RFX4: variants seen among roughly 807,000 people sequenced by gnomAD.
The protein encoded by RFX4 is transcription factor RFX4.
RFX4 carries 10 observed loss-of-function variants against 95.0 expected under a neutral mutation model. That is an observed-to-expected ratio of 0.11 (90% CI 0.06 to 0.18). The LOEUF is 0.18. Among genes scored for constraint, RFX4 ranks in the 10% least tolerant of loss-of-function variants. The probability of loss-of-function intolerance (pLI) is 1.00; values close to 1 mark genes in which losing one functional copy is unlikely to be tolerated. For missense variants in RFX4, 640 were observed against 922.0 expected (o/e 0.69, Z 3.96); for synonymous variants, 321 against 340.7 (o/e 0.94, Z 0.64).
intron 2 of RFX4, among the ~76,000 whole-genome samples, chr12:106,622,622 A>AC (rs2040207590): frequency 7.6e-6 from 1 of 132,258 alleles, no homozygotes; most frequent in African/African-American, 2.8e-5. Context: ...TCCAAGCTGC[A>AC]TTTTTTTTTT....
chr12:106,662,232 T>C (rs1001900085), intron 4 of RFX4: 5 of 390,728 alleles, frequency 1.3e-5, no homozygotes, highest in Non-Finnish European at 2.5e-5. Flanking sequence ...TTTGGTGTTG[T>C]CAGTGTTCCA....
intron 15 of RFX4, among the ~76,000 whole-genome samples, chr12:106,736,876 A>G (rs2042718313): frequency 6.6e-6 from 1 of 151,964 alleles, no homozygotes; most frequent in Non-Finnish European, 1.5e-5. Flanking sequence ...ACTACTCACT[A>G]AGTCTCGTTT....
At chr12:106,727,908 C>T (rs539472099) in intron 13 of RFX4, among the ~76,000 whole-genome samples, 158 of 152,296 alleles carry the variant, frequency 1.0e-3, no homozygotes, top group African/African-American at 3.3e-3. Context: ...CATGAGCCAC[C>T]GCGCCCGGCC....
Position 106,609,361 on chromosome 12 carries a change from G to A in RFX4, c.130+478G>A, listed in dbSNP as rs891724214. Among the ~76,000 whole-genome samples, 11 of 152,224 alleles carry A rather than the reference G, an allele frequency of 7.2e-5. 1 individual carries two copies. The highest frequency in any genetic ancestry group is 3.9e-4 in the Admixed American group (6 of 15,286). ...TTAACTGAAAGATGTATCATCCTGT[G>A]TTTACACCTTGTCCTGTGTTATGTC... On this transcript the variant is annotated intron_variant, in intron 2 of 17. Coordinates refer to ENST00000392842, the MANE Select transcript of RFX4 (RefSeq NM_213594.3).
chr12:106,745,717 G>C (rs2042878305), intron 15 of RFX4, among the ~76,000 whole-genome samples: 1 of 152,150 alleles, frequency 6.6e-6, no homozygotes, highest in Non-Finnish European at 1.5e-5. Context: ...CAGAATGGGA[G>C]ATCAAATTTT....
intron 3 of RFX4, among the ~76,000 whole-genome samples, chr12:106,645,312 G>A (rs1249844702): frequency 6.6e-6 from 1 of 152,082 alleles, no homozygotes; most frequent in Non-Finnish European, 1.5e-5. Context: ...AGCCTGTTCC[G>A]CAGTCCCGGC....
intron 5 of RFX4, 63 bp downstream of exon 5, chr12:106,682,117 A>G: frequency 6.5e-7 from 1 of 1,535,998 alleles, no homozygotes; most frequent in Non-Finnish European, 9.0e-7. Context: ...GACAGGCCAC[A>G]CCCTTGGCTC....
rs539168808 is a variant in RFX4 at position 106,734,658 on chromosome 12, G to A, written c.1633+1573G>A. Among the ~76,000 whole-genome samples the A allele has an allele frequency of 2.6e-5, 4 of 152,020 alleles. No homozygotes were observed. The East Asian group carries it at 7.7e-4, about 29-fold the overall frequency. ...AATTAAAAGTCACCCAAGCATCCGT[G>A]GAAGCCCAATTCCATGAAGGAGGAA... On this transcript the variant is annotated intron_variant, in intron 15 of 17. Transcript: ENST00000392842.
At chr12:106,663,027 G>A (rs2041105898) in intron 4 of RFX4, among the ~76,000 whole-genome samples, 1 of 151,982 alleles carries the variant, frequency 6.6e-6, no homozygotes, top group African/African-American at 2.4e-5. Context: ...TTCAATATCA[G>A]GCTGACTATT....
At chr12:106,660,603 G>C (rs2041051672) in intron 4 of RFX4, among the ~76,000 whole-genome samples, 1 of 152,112 alleles carries the variant, frequency 6.6e-6, no homozygotes, top group Non-Finnish European at 1.5e-5. Context: ...AACATCTCTA[G>C]CCTACAAATG....
chr12:106,624,670 G>T (rs992523322), intron 2 of RFX4, among the ~76,000 whole-genome samples: 1 of 152,058 alleles, frequency 6.6e-6, no homozygotes, highest in Non-Finnish European at 1.5e-5. Context: ...CGGGGCGGAG[G>T]GGGGAAGAAG....
intron 1 of RFX4, among the ~76,000 whole-genome samples, chr12:106,606,118 G>A (rs138498814): frequency 0.012 from 1,797 of 152,276 alleles, 13 homozygotes; most frequent in Middle Eastern, 0.054. Context: ...TTCAGAGAAT[G>A]TCCCATCAAT....
At chr12:106,688,890 C>G (rs1433833350) in intron 6 of RFX4, among the ~76,000 whole-genome samples, 2 of 152,108 alleles carry the variant, frequency 1.3e-5, no homozygotes, top group Non-Finnish European at 2.9e-5. Flanking sequence ...GTGGTCTCAG[C>G]CAATGAAGAG....
At chr12:106,624,052 C>G (rs964104491) in intron 2 of RFX4, among the ~76,000 whole-genome samples, 7 of 152,112 alleles carry the variant, frequency 4.6e-5, no homozygotes, top group Non-Finnish European at 1.0e-4. Context: ...ACATTTAAGA[C>G]AATAAAATGG....
chr12:106,648,772 A>C (rs2040804019), intron 3 of RFX4, among the ~76,000 whole-genome samples: 1 of 151,990 alleles, frequency 6.6e-6, no homozygotes, highest in African/African-American at 2.4e-5. Context: ...ATGCTATAAA[A>C]CATCTAATCA....
At chr12:106,652,629 G>A (rs550939830) in intron 3 of RFX4, among the ~76,000 whole-genome samples, 2 of 152,332 alleles carry the variant, frequency 1.3e-5, no homozygotes, top group South Asian at 4.1e-4. Flanking sequence ...AAGTAGATGA[G>A]ATGATCGGGG....
intron 2 of RFX4, among the ~76,000 whole-genome samples, chr12:106,612,136 G>GA (rs141925809): frequency 2.2e-3 from 330 of 150,946 alleles, no homozygotes; most frequent in African/African-American, 7.2e-3. Context: ...TCTATTTCTG[G>GA]AAAAAAAAAT....
chr12:106,737,153 G>A (rs1022330999), intron 15 of RFX4, among the ~76,000 whole-genome samples: 4 of 123,556 alleles, frequency 3.2e-5, no homozygotes, highest in Admixed American at 9.4e-5. Flanking sequence ...GAATAGACTC[G>A]GAACTAAAGT....
chr12:106,598,406 A>G (rs1020212211), intron 1 of RFX4, among the ~76,000 whole-genome samples: 2 of 152,178 alleles, frequency 1.3e-5, no homozygotes, highest in Non-Finnish European at 2.9e-5. Flanking sequence ...TGGAAATGCT[A>G]TGTTTGCTAG....
Sources: gnomAD v4.1 joint callset for allele counts (sites outside exome capture counted in the v4.1 genomes callset) on GRCh38, gnomAD v4.1.1 for gene constraint, MANE v1.5 for transcripts, NCBI Gene and HGNC (gene_info 2026-07-23, HGNC 2026-07-21) for gene names.